Variants in RARB observed in about 807,000 individuals in gnomAD.
The protein encoded by RARB is retinoic acid receptor beta, also known as HBV-activated protein.
Under a neutral mutation model 51.9 loss-of-function variants are expected in RARB, and 17 were observed. The observed-to-expected ratio is 0.33, with a 90% CI of 0.22 to 0.49. The LOEUF is 0.49. RARB is among the 20% of genes least tolerant of loss of function. The probability of loss-of-function intolerance (pLI) is 0.99; values close to 1 mark genes in which losing one functional copy is unlikely to be tolerated. For missense variants in RARB, 369 were observed against 550.8 expected, an observed-to-expected ratio of 0.67 and a Z score of 3.30; for synonymous variants, 215 against 195.4, an observed-to-expected ratio of 1.10 and a Z score of -0.84.
At chr3:25,241,131 GTC>G (rs1449534082) in intron 5 of RARB, among the ~76,000 whole-genome samples, 3 of 152,192 alleles carry the variant, frequency 2.0e-5, no homozygotes, top group East Asian at 3.9e-4. Flanking sequence ...GTTCATAATA[GTC>G]TCTGATGACC....
chr3:25,276,522 C>T (rs75477078), intron 5 of RARB, among the ~76,000 whole-genome samples: 161 of 152,242 alleles, frequency 1.1e-3, no homozygotes, highest in African/African-American at 3.7e-3. Flanking sequence ...AATTTAATTC[C>T]GTATTTCATT....
intron 4 of RARB, among the ~76,000 whole-genome samples, chr3:25,572,378 T>C (rs1700744600): frequency 6.6e-6 from 1 of 152,240 alleles, no homozygotes; most frequent in Non-Finnish European, 1.5e-5. Context: ...ATAAGTATAC[T>C]AATTCTTTTA....
chr3:25,401,766 T>G (rs1167101051), intron 5 of RARB, among the ~76,000 whole-genome samples: 2 of 152,052 alleles, frequency 1.3e-5, no homozygotes, highest in African/African-American at 4.8e-5. Context: ...AAAAAGACAT[T>G]GAACATTTTC....
intron 5 of RARB, among the ~76,000 whole-genome samples, chr3:25,192,426 A>G (rs1701126238): frequency 6.6e-6 from 1 of 152,102 alleles, no homozygotes; most frequent in South Asian, 2.1e-4. Flanking sequence ...AGATACACCT[A>G]TTCAATAAAA....
chr3:25,052,098 C>T (rs1349558346), intron 2 of RARB, among the ~76,000 whole-genome samples: 1 of 152,166 alleles, frequency 6.6e-6, no homozygotes, highest in Non-Finnish European at 1.5e-5. Context: ...GGAAAAGGTC[C>T]TCATACCCAT....
intron 3 of RARB, among the ~76,000 whole-genome samples, chr3:25,101,561 A>AT (rs1699400609): frequency 6.6e-6 from 1 of 151,376 alleles, no homozygotes. Flanking sequence ...GATCTATATC[A>AT]TTTTTGTTAT....
chr3:25,174,205 C>A lies in RARB; in HGVS notation c.-193C>A. On this transcript the variant is annotated 5_prime_UTR_variant, in exon 5 of 12. Coordinates refer to the RARB transcript ENST00000383772. ...ACGACGAAAGCATCCTTCCTGTAAT[C>A]AGTGTAGCAAAATGACAGGCAGAGA... The A allele has an allele frequency of 9.9e-6, 3 of 302,412 alleles. No homozygotes were observed. The East Asian group carries it at 2.4e-4, about 24-fold the overall frequency. The allele number at this position is 302,412 out of a possible 1,614,324, so 18.7% of individuals were successfully genotyped here.
In RARB at chr3:25,369,260, T is replaced by C. The variant is rs548192905; in HGVS notation, c.179-91933T>C. On this transcript the variant is annotated intron_variant, in intron 5 of 11. Transcript: ENST00000383772. ...ATTTTATATATGACACTGTAAGGCA[T>C]TGGGCACACAGAAAGTGTGAGCCAT... 6.0e-4 allele frequency among the ~76,000 whole-genome samples: 92 copies of C among 152,312 alleles called. 1 individual carries two copies. The highest frequency in any genetic ancestry group is 2.0e-3 in the African/African-American group (82 of 41,568).
chr3:25,377,173 C>T (rs968273843), intron 5 of RARB, among the ~76,000 whole-genome samples: 5 of 152,278 alleles, frequency 3.3e-5, no homozygotes, highest in African/African-American at 1.2e-4. Flanking sequence ...TAACAGATTC[C>T]TCTCAGACAT....
At chr3:24,952,908 T>C (rs1031461251) in intron 2 of RARB, among the ~76,000 whole-genome samples, 2 of 152,178 alleles carry the variant, frequency 1.3e-5, no homozygotes, top group East Asian at 1.9e-4. Flanking sequence ...TTTTGTTTTT[T>C]CTTTTGCCTC....
At chr3:25,499,774 G>A (rs1461061845) in intron 2 of RARB, among the ~76,000 whole-genome samples, 7 of 152,172 alleles carry the variant, frequency 4.6e-5, no homozygotes, top group Non-Finnish European at 7.4e-5. Flanking sequence ...GATAGAAAAC[G>A]AGAGAGAAAG....
intron 2 of RARB, among the ~76,000 whole-genome samples, chr3:24,927,534 A>G (rs1399874850): frequency 6.6e-6 from 1 of 152,066 alleles, no homozygotes; most frequent in Non-Finnish European, 1.5e-5. Flanking sequence ...GGCCTTAAAA[A>G]TTTGGGTATC....
intron 5 of RARB, among the ~76,000 whole-genome samples, chr3:25,279,543 G>A (rs574854893): frequency 1.3e-5 from 2 of 151,212 alleles, no homozygotes; most frequent in South Asian, 4.2e-4. Context: ...AGATTCCAAA[G>A]CAAATCTAGG....
intron 3 of RARB, among the ~76,000 whole-genome samples, chr3:25,119,011 TATC>T (rs908107967): frequency 6.6e-6 from 1 of 152,054 alleles, no homozygotes; most frequent in Non-Finnish European, 1.5e-5. Context: ...GCTGAAAAAA[TATC>T]ATGCAGTTTT....
At chr3:25,371,110 T>C (rs1355694213) in intron 5 of RARB, among the ~76,000 whole-genome samples, 2 of 152,232 alleles carry the variant, frequency 1.3e-5, no homozygotes, top group African/African-American at 4.8e-5. Context: ...GCAAGGACCC[T>C]TGAATATATC....
At chr3:24,985,942 CAG>C (rs1217994380) in intron 2 of RARB, among the ~76,000 whole-genome samples, 1 of 152,194 alleles carries the variant, frequency 6.6e-6, no homozygotes, top group Non-Finnish European at 1.5e-5. Flanking sequence ...AAACTAAGAA[CAG>C]AGACTTAGCG....
At chr3:25,338,290 G>C (rs9859452) in intron 5 of RARB, among the ~76,000 whole-genome samples, 4,463 of 152,232 alleles carry the variant, frequency 0.029, 146 homozygotes, top group African/African-American at 0.086. Context: ...AGTATCTAGA[G>C]GCTGTATTTA....
intron 2 of RARB, among the ~76,000 whole-genome samples, chr3:24,946,212 C>G (rs1243142888): frequency 6.8e-6 from 1 of 146,040 alleles, no homozygotes; most frequent in African/African-American, 2.6e-5. Flanking sequence ...TGCAGTGAGC[C>G]GAGGTCACAC....
At chr3:25,172,291 A>G (rs1013693755) in intron 4 of RARB, among the ~76,000 whole-genome samples, 2 of 152,220 alleles carry the variant, frequency 1.3e-5, no homozygotes, top group Non-Finnish European at 2.9e-5. Flanking sequence ...ATATAAGCTT[A>G]GCTTGGCAGA....
Sources: gnomAD v4.1 joint callset for allele counts (sites outside exome capture counted in the v4.1 genomes callset) on GRCh38, gnomAD v4.1.1 for gene constraint, MANE v1.5 for transcripts, NCBI Gene and HGNC (gene_info 2026-07-23, HGNC 2026-07-21) for gene names.